The following KANK4 variants were observed in gnomAD, a reference collection of about 807,000 sequenced individuals.
The protein encoded by KANK4 is KN motif and ankyrin repeat domain-containing protein 4.
In KANK4, 50 loss-of-function variants were observed where a neutral mutation model predicts 80.8. That is an observed-to-expected ratio of 0.62 (90% CI 0.49 to 0.78). The LOEUF is 0.78. Ranked by LOEUF, KANK4 falls within the 30% of genes least tolerant of loss-of-function variation. KANK4 has a pLI of 0.00. For synonymous variants in KANK4, 465 were observed against 506.9 expected (o/e 0.92, Z 1.11); for missense variants, 1,196 against 1,240.1 (o/e 0.96, Z 0.53).
chr1:62,311,300 A>AC (rs5774599), intron 1 of KANK4, among the ~76,000 whole-genome samples: 126,890 of 151,522 alleles, frequency 0.84, 53,199 homozygotes, highest in African/African-American at 0.87. Flanking sequence ...CACCAATACA[A>AC]CGGGAATGAT....
intron 1 of KANK4, among the ~76,000 whole-genome samples, chr1:62,286,023 C>T (rs1463301389): frequency 3.9e-5 from 6 of 152,212 alleles, no homozygotes; most frequent in Non-Finnish European, 7.3e-5. Flanking sequence ...CACCTCCTGC[C>T]GACCTGGCAA....
intron 8 of KANK4, among the ~76,000 whole-genome samples, chr1:62,249,652 C>T (rs901445164): frequency 6.6e-6 from 1 of 151,498 alleles, no homozygotes; most frequent in Non-Finnish European, 1.5e-5. Flanking sequence ...AAGCCATTCT[C>T]CTGCCTCAGC....
chr1:62,311,879 A>T (rs569527387), intron 1 of KANK4, among the ~76,000 whole-genome samples: 4 of 152,346 alleles, frequency 2.6e-5, no homozygotes, highest in Non-Finnish European at 4.4e-5. Flanking sequence ...AATAAAATTT[A>T]CTACTCCTTA....
chr1:62,258,596 C>G (rs1298027819), intron 7 of KANK4, among the ~76,000 whole-genome samples: 1 of 152,168 alleles, frequency 6.6e-6, no homozygotes, highest in Non-Finnish European at 1.5e-5. Context: ...TGGAATTTAA[C>G]CTAGCTCCCG....
chr1:62,278,558 A>ATT (rs148935391), intron 2 of KANK4, among the ~76,000 whole-genome samples: 17 of 149,552 alleles, frequency 1.1e-4, no homozygotes, highest in East Asian at 4.0e-4. Context: ...ATGCCTGGCT[A>ATT]TTTTTTTTGT....
chr1:62,260,058 CGA>C (rs1479986092), intron 7 of KANK4, among the ~76,000 whole-genome samples: 1 of 152,096 alleles, frequency 6.6e-6, no homozygotes, highest in Non-Finnish European at 1.5e-5. Context: ...CTGAGGAGAT[CGA>C]GGCCATCTGA....
chr1:62,253,099 T>G lies in KANK4; in HGVS notation c.2650A>C (p.Arg884=), dbSNP rs145530313. The G allele has an allele frequency of 6.2e-7, 1 of 1,613,990 alleles. No homozygotes were observed. The highest frequency in any genetic ancestry group is 1.3e-5 in the African/African-American group (1 of 74,940). Residue 884 remains arginine, a synonymous_variant, in exon 8 of 10, where the codon AGA becomes CGA. Coordinates refer to ENST00000371153, the MANE Select transcript of KANK4 (RefSeq NM_181712.5). ...EDMAVVWKLL[R]EGNVNIQATQ... is the part of the protein sequence containing the mutation. ...GCTTGAATGTTCACATTTCCTTCTC[T>G]TAAGAGCTTCCAGACAACAGCCATG...
Position 62,274,605 on chromosome 1 carries a change from C to T in KANK4, c.499G>A (p.Ala167Thr). 6.2e-7 allele frequency: 1 copy of T among 1,614,078 alleles called. No individual in the cohort carries two copies. The highest frequency in any genetic ancestry group is 8.5e-7 in the Non-Finnish European group (1 of 1,179,996). The change falls in exon 3 of 10, where the codon GCC becomes ACC. Residue 167 changes from alanine to threonine, a missense_variant. By Grantham distance (58) the Ala-to-Thr change is moderately conservative. This residue lies in a region of KANK4 where 1,154 missense variants were observed against 1,179.6 expected (regional missense o/e 0.98). Transcript: ENST00000371153. ...GAAGCCCTGCTGTGCAGCAGCGTGG[C>T]AGGCATGCTGGATGCTCTCAAGAGC... ...PQLLRASSMP[A>T]TLLHSRASEE...
intron 9 of KANK4, 78 bp downstream of exon 9, chr1:62,247,394 C>A: frequency 1.5e-6 from 2 of 1,308,440 alleles, no homozygotes; most frequent in Non-Finnish European, 2.2e-6. Flanking sequence ...CCCGCCTCAG[C>A]CTCCCAAAGT....
chr1:62,305,038 T>C lies in KANK4; in HGVS notation c.-71+14068A>G, dbSNP rs929904993. Among the ~76,000 whole-genome samples, 3 of 150,814 alleles carry C rather than the reference T, an allele frequency of 2.0e-5. No individual in the cohort carries two copies. In the East Asian group the frequency reaches 5.8e-4, roughly 29 times the overall value. On this transcript the variant is annotated intron_variant, in intron 1 of 9. Coordinates refer to ENST00000371153, the MANE Select transcript of KANK4 (RefSeq NM_181712.5). Reference sequence around the variant, plus strand: ...TCTAGAGAGGGAAGCAGAAGAGATGTGAAAACGGAAAAGGAGGGTGCAGGA... The same window carrying C: ...TCTAGAGAGGGAAGCAGAAGAGATGCGAAAACGGAAAAGGAGGGTGCAGGA...
intron 7 of KANK4, among the ~76,000 whole-genome samples, chr1:62,257,814 C>T (rs958803): frequency 0.7 from 106,511 of 152,026 alleles, 38,011 homozygotes; most frequent in East Asian, 0.84. Flanking sequence ...GGGAAAAGTT[C>T]CCAAACCACT....
chr1:62,300,585 T>G (rs1449404180), intron 1 of KANK4, among the ~76,000 whole-genome samples: 1 of 152,020 alleles, frequency 6.6e-6, no homozygotes, highest in Non-Finnish European at 1.5e-5. Flanking sequence ...GATGAAAACA[T>G]GTATGGTGGG....
chr1:62,244,885 C>T (rs899060707), intron 9 of KANK4, among the ~76,000 whole-genome samples: 1 of 152,194 alleles, frequency 6.6e-6, no homozygotes, highest in East Asian at 1.9e-4. Flanking sequence ...ATGCTTCTAA[C>T]AATCATGCTT....
chr1:62,241,416 CT>C (rs1472413430), intron 9 of KANK4, among the ~76,000 whole-genome samples: 2 of 152,146 alleles, frequency 1.3e-5, no homozygotes, highest in African/African-American at 4.8e-5. Context: ...CATACAAACT[CT>C]TTCCCCGAAA....
intron 9 of KANK4, among the ~76,000 whole-genome samples, chr1:62,240,222 T>C (rs1671305094): frequency 6.6e-6 from 1 of 152,260 alleles, no homozygotes; most frequent in Admixed American, 6.5e-5. Flanking sequence ...TGGTGTAAGA[T>C]GGTATCTCAT....
intron 1 of KANK4, among the ~76,000 whole-genome samples, chr1:62,295,675 G>A (rs1644357980): frequency 2.0e-5 from 3 of 152,360 alleles, no homozygotes; most frequent in Middle Eastern, 3.4e-3. Context: ...CAAGGTCAGA[G>A]TCTGCTTTTG....
chr1:62,248,999 C>T (rs1570964274), intron 8 of KANK4, among the ~76,000 whole-genome samples: 1 of 52,704 alleles, frequency 1.9e-5, no homozygotes, highest in East Asian at 7.6e-4. Context: ...TCTGTCTCTA[C>T]TAAAAAAAAA....
At chr1:62,284,838 A>T (rs17123341) in intron 1 of KANK4, among the ~76,000 whole-genome samples, 8,943 of 152,160 alleles carry the variant, frequency 0.059, 651 homozygotes, top group African/African-American at 0.18. Flanking sequence ...ACTAATCTGT[A>T]AGCTTGTGAA....
chr1:62,246,296 T>C (rs1671464334), intron 9 of KANK4, among the ~76,000 whole-genome samples: 2 of 152,182 alleles, frequency 1.3e-5, no homozygotes, highest in African/African-American at 4.8e-5. Flanking sequence ...GCTGGCTCGA[T>C]GGAATGGGCT....
Sources: gnomAD v4.1 joint callset for allele counts (sites outside exome capture counted in the v4.1 genomes callset) on GRCh38, gnomAD v4.1.1 for gene constraint, gnomAD v4.1.1 regional missense constraint, MANE v1.5 for transcripts, NCBI Gene and HGNC (gene_info 2026-07-23, HGNC 2026-07-21) for gene names.